SIK2: variants seen among roughly 807,000 people sequenced by gnomAD.
SIK2 encodes the protein salt inducible kinase 2.
A neutral mutation model predicts 103.2 loss-of-function variants in SIK2; 29 were observed. The ratio of observed to expected loss-of-function variants is 0.28; its 90% CI spans 0.21 to 0.38. The LOEUF is 0.38. Ranked by LOEUF, SIK2 falls within the 10% of genes least tolerant of loss-of-function variation. The pLI is 1.00. For synonymous variants in SIK2, 412 were observed against 446.1 expected, an observed-to-expected ratio of 0.92 and a Z score of 0.96; for missense variants, 879 against 1,171.0, an observed-to-expected ratio of 0.75 and a Z score of 3.64.
At chr11:111,606,948 A>T (rs1410267617) in intron 1 of SIK2, among the ~76,000 whole-genome samples, 3 of 112,206 alleles carry the variant, frequency 2.7e-5, no homozygotes, top group African/African-American at 7.9e-5. Context: ...ACCCAGTCTC[A>T]TTAAAAAGAA....
chr11:111,645,506 C>T (rs921751381), intron 3 of SIK2, among the ~76,000 whole-genome samples: 4 of 152,132 alleles, frequency 2.6e-5, no homozygotes, highest in African/African-American at 2.4e-5. Context: ...GGACTATGTG[C>T]GTAGTAAAAT....
chr11:111,692,387 A>AAAAAAAAAAC (rs1565360215), intron 4 of SIK2, among the ~76,000 whole-genome samples: 9 of 113,486 alleles, frequency 7.9e-5, no homozygotes, highest in Admixed American at 2.0e-4. Context: ...AAAAAAAAAA[A>AAAAAAAAAAC]ACACAAAAAG....
At chr11:111,713,649 C>T (rs775776787) in intron 9 of SIK2, among the ~76,000 whole-genome samples, 18 of 152,240 alleles carry the variant, frequency 1.2e-4, no homozygotes, top group Admixed American at 5.9e-4. Context: ...TGAAAGACAG[C>T]GCCAGGTGCT....
At chr11:111,675,418 A>G (rs1398882605) in intron 3 of SIK2, among the ~76,000 whole-genome samples, 1 of 152,238 alleles carries the variant, frequency 6.6e-6, no homozygotes, top group Non-Finnish European at 1.5e-5. Flanking sequence ...AACCCTGTCA[A>G]TTCATCACTG....
chr11:111,706,240 T>C (rs1943342430), intron 8 of SIK2, among the ~76,000 whole-genome samples: 1 of 152,238 alleles, frequency 6.6e-6, no homozygotes, highest in South Asian at 2.1e-4. Flanking sequence ...TAAGTACTTG[T>C]TATATAAAGT....
rs552385143 is a variant in SIK2 at position 111,682,784 on chromosome 11, C to G, written c.317-5217C>G. Among the ~76,000 whole-genome samples the G allele has an allele frequency of 2.0e-5, 3 of 152,304 alleles. No individual in the cohort carries two copies. In the South Asian group the frequency reaches 6.2e-4, roughly 32 times the overall value. On this transcript the variant is annotated intron_variant, in intron 3 of 14. Transcript: ENST00000304987. ...AAACAATGTATTTATTAGGACATTT[C>G]TACCTATGCTAACCTTCATCACAGT...
intron 3 of SIK2, among the ~76,000 whole-genome samples, chr11:111,647,429 C>T (rs1233548676): frequency 6.6e-6 from 1 of 151,710 alleles, no homozygotes; most frequent in African/African-American, 2.4e-5. Flanking sequence ...TTTTTCCAGA[C>T]TGGGCAACAT....
At chr11:111,618,339 C>T (rs1208241332) in intron 2 of SIK2, among the ~76,000 whole-genome samples, 1 of 151,186 alleles carries the variant, frequency 6.6e-6, no homozygotes, top group African/African-American at 2.5e-5. Flanking sequence ...AGTCTGTGAC[C>T]CGGCGGTTAG....
chr11:111,718,732 A>C (rs1484788102), intron 9 of SIK2: 1 of 152,210 alleles, frequency 6.6e-6, no homozygotes, highest in Non-Finnish European at 1.5e-5. Flanking sequence ...CTTCCAAAGG[A>C]AACAGTAGCT....
intron 4 of SIK2, among the ~76,000 whole-genome samples, chr11:111,690,942 T>G (rs1048304497): frequency 3.3e-5 from 5 of 152,044 alleles, no homozygotes; most frequent in Non-Finnish European, 4.4e-5. Context: ...GTTCTAGGAG[T>G]TTTTTTAGGC....
intron 1 of SIK2, among the ~76,000 whole-genome samples, chr11:111,614,166 C>G (rs780457470): frequency 6.6e-6 from 1 of 151,180 alleles, no homozygotes; most frequent in Non-Finnish European, 1.5e-5. Flanking sequence ...ATTGCAACCT[C>G]TGCCTCCCAG....
rs1378461169 is a variant in SIK2, at chr11:111,602,853, G to A, written c.135+155G>A. Among the ~76,000 whole-genome samples, 3 of 152,272 alleles carry A rather than the reference G, an allele frequency of 2.0e-5. No individual in the cohort carries two copies. The highest frequency in any genetic ancestry group is 3.9e-4 in the East Asian group (2 of 5,166). The stretch of plus-strand genomic sequence containing the variant: ...GCCTGGGACTGTGAGGACCCAGGAG[G>A]TGCAGGGGGTCGGTGAGCAGCGAAG... On this transcript the variant is annotated intron_variant, in intron 1 of 14. Coordinates refer to ENST00000304987, the MANE Select transcript of SIK2 (RefSeq NM_015191.3). This position sits in a 1 kb window ranked among gnomAD's most constrained non-coding sequence, Gnocchi z 4.5.
In SIK2 at chr11:111,680,131, A is replaced by G. The variant is rs561043933; in HGVS notation, c.317-7870A>G. 1.5e-3 allele frequency among the ~76,000 whole-genome samples: 224 copies of G among 152,210 alleles called. 2 individuals are homozygous for G. The highest frequency in any genetic ancestry group is 5.2e-3 in the African/African-American group (218 of 41,560). ...GGCGAGACTCCATCTCAAAAAAAAA[A>G]AGCAGTGGGGGGCGTTTCATAGTAA... is the stretch of plus-strand genomic sequence containing the variant. On this transcript the variant is annotated intron_variant, in intron 3 of 14. Transcript: ENST00000304987.
intron 8 of SIK2, among the ~76,000 whole-genome samples, chr11:111,711,626 A>T (rs1249230451): frequency 6.6e-6 from 1 of 152,144 alleles, no homozygotes; most frequent in Non-Finnish European, 1.5e-5. Flanking sequence ...CATCTCCTTG[A>T]AGGAAGGAAG....
At chr11:111,695,907 G>T (rs1217587379) in intron 4 of SIK2, among the ~76,000 whole-genome samples, 1 of 152,136 alleles carries the variant, frequency 6.6e-6, no homozygotes, top group African/African-American at 2.4e-5. Context: ...ATATAATTTA[G>T]TGATGACAGT....
chr11:111,605,619 C>T (rs1941639939), intron 1 of SIK2, among the ~76,000 whole-genome samples: 1 of 152,122 alleles, frequency 6.6e-6, no homozygotes. Flanking sequence ...CCAAGTTTGA[C>T]TCTGAGGCAA....
At chr11:111,653,405 C>G (rs1041801127) in intron 3 of SIK2, among the ~76,000 whole-genome samples, 2 of 152,198 alleles carry the variant, frequency 1.3e-5, no homozygotes, top group Admixed American at 1.3e-4. Flanking sequence ...TGCTCAGTAA[C>G]TTGACCTTCA....
In SIK2 at chr11:111,701,697, G is replaced by T; in HGVS notation, c.727+122G>T. On this transcript the variant is annotated intron_variant, in intron 6 of 14. Coordinates refer to ENST00000304987, the MANE Select transcript of SIK2 (RefSeq NM_015191.3). This position sits in a 1 kb window ranked among gnomAD's most constrained non-coding sequence, Gnocchi z 4.2. The stretch of plus-strand genomic sequence containing the variant: ...GCCAAATAAAGTGACTGAGCTGTAG[G>T]TTAAAAGCTATAGAAAGAAGCAACC... The T allele has an allele frequency of 7.8e-7, 1 of 1,286,450 alleles. No homozygotes were observed. The highest frequency in any genetic ancestry group is 1.1e-6 in the Non-Finnish European group (1 of 951,058). The allele number at this position is 1,286,450 out of a possible 1,614,324, so 79.7% of individuals were successfully genotyped here. A position where few individuals can be genotyped will look rare whatever the true frequency, so the allele number is the denominator to read the frequency against.
intron 7 of SIK2, 132 bp downstream of exon 7, chr11:111,703,555 T>C: frequency 1.4e-6 from 1 of 718,026 alleles, no homozygotes; most frequent in Non-Finnish European, 2.3e-6. Flanking sequence ...TCCCTATAGA[T>C]GACATCAGAC....
Sources: allele counts gnomAD v4.1 joint callset (sites outside exome capture counted in the v4.1 genomes callset), GRCh38; gene constraint gnomAD v4.1.1; non-coding constraint Gnocchi (gnomAD v3.1); transcripts MANE v1.5; gene names NCBI Gene and HGNC (gene_info 2026-07-23, HGNC 2026-07-21).